FRAS1: variants seen among roughly 807,000 people sequenced by gnomAD.
FRAS1 encodes the protein Fraser extracellular matrix complex subunit 1.
Under a neutral mutation model 435.2 loss-of-function variants are expected in FRAS1, and 290 were observed. That is an observed-to-expected ratio of 0.67 (90% CI 0.61 to 0.73). The LOEUF is 0.73. Ranked by LOEUF, FRAS1 falls within the 30% of genes least tolerant of loss-of-function variation. FRAS1 has a pLI of 0.00. For missense variants in FRAS1, 4,860 were observed against 5,001.5 expected, an observed-to-expected ratio of 0.97 and a Z score of 0.85; for synonymous variants, 1,800 against 1,851.0, an observed-to-expected ratio of 0.97 and a Z score of 0.71.
rs1396183689 is a variant in FRAS1, at chr4:78,265,057, T to C, written c.636T>C (p.Cys212=). ...CTGTAGTCCGAGTCCCTGGAAAATG[T>C]TGCCCGCAGTGCTCTGCAAGATCCT... The part of the protein sequence containing the change: ...DETVVRVPGK[C]CPQCSARSCS... The change falls in exon 7 of 74, where the codon TGT becomes TGC. Residue 212 remains cysteine, a synonymous_variant. Coordinates refer to ENST00000512123, the MANE Select transcript of FRAS1 (RefSeq NM_025074.7). The C allele has an allele frequency of 6.2e-7, 1 of 1,613,310 alleles. No homozygotes were observed. Among genetic ancestry groups the C allele is most frequent in the Non-Finnish European group, 8.5e-7 (1 of 1,179,434 alleles).
At chr4:78,142,773 T>G (rs2110000407) in intron 2 of FRAS1, among the ~76,000 whole-genome samples, 1 of 152,306 alleles carries the variant, frequency 6.6e-6, no homozygotes, top group East Asian at 1.9e-4. Flanking sequence ...TTCCATGCAT[T>G]GTCTAAGAAG....
intron 4 of FRAS1, among the ~76,000 whole-genome samples, chr4:78,246,320 G>T (rs2168203): frequency 0.61 from 92,845 of 151,972 alleles, 28,798 homozygotes; most frequent in Non-Finnish European, 0.68. Context: ...ATATCTACTT[G>T]AGGCTGCTAT....
intron 9 of FRAS1, among the ~76,000 whole-genome samples, chr4:78,277,250 C>G (rs1361136445): frequency 6.6e-6 from 1 of 152,154 alleles, no homozygotes; most frequent in Non-Finnish European, 1.5e-5. Context: ...ATTCCCTGAC[C>G]CCTTGCACTT....
intron 15 of FRAS1, among the ~76,000 whole-genome samples, chr4:78,311,673 CTA>C (rs1214889406): frequency 6.6e-6 from 1 of 152,226 alleles, no homozygotes; most frequent in Non-Finnish European, 1.5e-5. Flanking sequence ...GCTGTGCAAT[CTA>C]TATTCCCAAG....
chr4:78,111,908 C>A (rs1193760608), intron 2 of FRAS1, among the ~76,000 whole-genome samples: 1 of 151,982 alleles, frequency 6.6e-6, no homozygotes, highest in Non-Finnish European at 1.5e-5. Context: ...CTTACTGCAG[C>A]CATATTACAC....
intron 30 of FRAS1, 138 bp from the exon 31 acceptor site, chr4:78,407,525 C>T: frequency 4.8e-6 from 3 of 627,860 alleles, no homozygotes; most frequent in Non-Finnish European, 8.0e-6. Flanking sequence ...TGTTAACATC[C>T]TCTCCTTCAC....
chr4:78,181,262 A>G, intron 2 of FRAS1: 4 of 1,608,388 alleles, frequency 2.5e-6, no homozygotes, highest in Non-Finnish European at 3.4e-6. Flanking sequence ...TACCTCTTCA[A>G]CATCATTCTC....
At chr4:78,425,014 G>T (rs1299104969) in intron 35 of FRAS1, among the ~76,000 whole-genome samples, 1 of 151,738 alleles carries the variant, frequency 6.6e-6, no homozygotes, top group Non-Finnish European at 1.5e-5. Flanking sequence ...AAGATCCTAA[G>T]CCCTGCATCC....
In FRAS1 at chr4:78,130,452, A is replaced by C. The variant is rs1027192096; in HGVS notation, c.108+64436A>C. Among the ~76,000 whole-genome samples, 4 of 152,148 alleles carry C rather than the reference A, an allele frequency of 2.6e-5. No homozygotes were observed. In the East Asian group the frequency reaches 5.8e-4, roughly 22 times the overall value. The stretch of plus-strand genomic sequence containing the variant: ...ACTTATTGCTAGCAATACTGATATT[A>C]ATTGAGTCTAGTCAGATCAGAACGT... On this transcript the variant is annotated intron_variant, in intron 2 of 73. Coordinates refer to ENST00000512123, the MANE Select transcript of FRAS1 (RefSeq NM_025074.7).
In FRAS1 at chr4:78,473,501, A is replaced by G. The variant is rs1423812694; in HGVS notation, c.7586A>G (p.Asp2529Gly). 3 of 1,613,434 alleles carry G rather than the reference A, an allele frequency of 1.9e-6. No individual in the cohort carries two copies. ...AAGGAGAAGATCCGTGAGATGATGG[A>G]TAGTTTTCAGTTTCTGGTGAAAGAC... Reference protein sequence around the residue: ...LHKEKIREMMDSFQFLVKDSK... With the variant: ...LHKEKIREMMGSFQFLVKDSK... Residue 2529 changes from aspartate to glycine, a missense_variant, in exon 53 of 74, where the codon GAT becomes GGT. Coordinates refer to ENST00000512123, the MANE Select transcript of FRAS1 (RefSeq NM_025074.7).
In FRAS1 at chr4:78,541,723, T is replaced by C. The variant is rs1722060201; in HGVS notation, c.*599T>C. The stretch of plus-strand genomic sequence containing the variant: ...TTTTTACCTGGGGATTTCAGTGTGC[T>C]TAAGTAAAATCCTCTGAAAACCACG... On this transcript the variant is annotated 3_prime_UTR_variant, in exon 74 of 74. Coordinates refer to ENST00000512123, the MANE Select transcript of FRAS1 (RefSeq NM_025074.7). 2 of 152,242 alleles carry C rather than the reference T, an allele frequency of 1.3e-5. No individual in the cohort carries two copies. The highest frequency in any genetic ancestry group is 4.1e-4 in the South Asian group (2 of 4,830). 9.4% of individuals were successfully genotyped at this position (152,242 alleles called of 1,614,324 possible). A position where few individuals can be genotyped will look rare whatever the true frequency, so the allele number is the denominator to read the frequency against.
chr4:78,479,798 T>A, intron 56 of FRAS1, 80 bp downstream of exon 56: 1 of 1,110,278 alleles, frequency 9.0e-7, no homozygotes, highest in Non-Finnish European at 1.3e-6. Context: ...GGTTTCAGAA[T>A]ATCCGGGAGA....
intron 2 of FRAS1, among the ~76,000 whole-genome samples, chr4:78,235,393 G>T (rs1724705089): frequency 6.6e-6 from 1 of 152,176 alleles, no homozygotes; most frequent in African/African-American, 2.4e-5. Flanking sequence ...TTGGATGTTG[G>T]TGTTCTAAGG....
rs1051533053 is a variant in FRAS1 at position 78,483,221 on chromosome 4, CT to C, written c.8752+692del. Among the ~76,000 whole-genome samples, 22 of 152,176 alleles carry C rather than the reference CT, an allele frequency of 1.4e-4. 1 individual carries two copies. The highest frequency in any genetic ancestry group is 5.1e-4 in the African/African-American group (21 of 41,520). On this transcript the variant is annotated intron_variant, in intron 58 of 73. Transcript: ENST00000512123. ...TGCTTATAAGCAGAGGAGTGATGTG[CT>C]TTTTTATTTTAGAAAGCGAATATTG...
intron 2 of FRAS1, among the ~76,000 whole-genome samples, chr4:78,092,005 A>G (rs897290681): frequency 6.6e-6 from 1 of 151,348 alleles, no homozygotes; most frequent in Non-Finnish European, 1.5e-5. Flanking sequence ...AAAAAGGAAA[A>G]AAACAAACTT....
intron 2 of FRAS1, among the ~76,000 whole-genome samples, chr4:78,196,197 T>C (rs2903454): frequency 0.96 from 146,049 of 152,064 alleles, 70,400 homozygotes; most frequent in East Asian, 1. Flanking sequence ...TTAGTAGAGA[T>C]GGGGTTTCAC....
At chr4:78,243,930 A>C (rs911513658) in intron 3 of FRAS1, among the ~76,000 whole-genome samples, 1 of 152,120 alleles carries the variant, frequency 6.6e-6, no homozygotes, top group African/African-American at 2.4e-5. Flanking sequence ...AGGCTAATGT[A>C]GTTTCTCTAA....
intron 32 of FRAS1, among the ~76,000 whole-genome samples, chr4:78,415,080 G>A (rs889318094): frequency 3.3e-5 from 5 of 152,016 alleles, no homozygotes; most frequent in Non-Finnish European, 7.4e-5. Context: ...CACAGATTGC[G>A]CTCACCCACT....
intron 2 of FRAS1, among the ~76,000 whole-genome samples, chr4:78,195,384 G>A (rs1432128136): frequency 6.6e-6 from 1 of 152,228 alleles, no homozygotes; most frequent in Non-Finnish European, 1.5e-5. Flanking sequence ...AGTCTGCAGA[G>A]GCAGGCAGGA....
Sources: gnomAD v4.1 joint callset for allele counts (sites outside exome capture counted in the v4.1 genomes callset) on GRCh38, gnomAD v4.1.1 for gene constraint, MANE v1.5 for transcripts, NCBI Gene and HGNC (gene_info 2026-07-23, HGNC 2026-07-21) for gene names.